RFX6: variants seen among roughly 807,000 people sequenced by gnomAD.
RFX6 encodes the protein regulatory factor X6.
In RFX6, 50 loss-of-function variants were observed where a neutral mutation model predicts 110.8. That is an observed-to-expected ratio of 0.45 (90% CI 0.36 to 0.57). The LOEUF (loss-of-function observed/expected upper bound fraction) is 0.57, where lower values mean the gene tolerates loss of function less well. RFX6 is among the 20% of genes least tolerant of loss of function. RFX6 has a pLI of 0.00. For synonymous variants in RFX6, 383 were observed against 411.2 expected, an observed-to-expected ratio of 0.93 and a Z score of 0.83; for missense variants, 990 against 1,127.0, an observed-to-expected ratio of 0.88 and a Z score of 1.74.
At chr6:116,918,570 AC>A (rs1298017077) in intron 10 of RFX6, among the ~76,000 whole-genome samples, 1 of 148,736 alleles carries the variant, frequency 6.7e-6, no homozygotes, top group Non-Finnish European at 1.5e-5. Flanking sequence ...AAAAAAAAAA[AC>A]CTTTTCAATA....
At chr6:116,914,638 G>A (rs1238845550) in intron 7 of RFX6, among the ~76,000 whole-genome samples, 4 of 152,142 alleles carry the variant, frequency 2.6e-5, no homozygotes, top group Admixed American at 6.5e-5. Context: ...CCTTCAGATG[G>A]ATCAATAATG....
rs1463102286 is a variant in RFX6 at position 116,925,522 on chromosome 6, T to G, written c.1748T>G (p.Met583Arg). Residue 583 changes from methionine to arginine, a missense_variant, in exon 16 of 19, where the codon ATG (methionine) becomes AGG (arginine). Coordinates refer to ENST00000332958, the MANE Select transcript of RFX6 (RefSeq NM_173560.4). ...CTGGCCAACCGTAATAAAGGGAGCA[T>G]GGTTTCCAGCGACGCTGTGAAGAAT... Reference protein sequence around the residue: ...CFLANRNKGSMVSSDAVKNES... With the variant: ...CFLANRNKGSRVSSDAVKNES... 1 of 1,614,142 alleles carries G rather than the reference T, an allele frequency of 6.2e-7. No homozygotes were observed. The highest frequency in any genetic ancestry group is 1.3e-5 in the African/African-American group (1 of 75,062).
At chr6:116,921,957 C>G (rs192119924) in intron 12 of RFX6, 85 bp from the exon 13 acceptor site, 1 of 707,302 alleles carries the variant, frequency 1.4e-6, no homozygotes, top group Non-Finnish European at 2.5e-6. Context: ...ATTGATGATT[C>G]CAAGTTTTAG....
At chr6:116,922,201 T>C in intron 13 of RFX6, 50 bp downstream of exon 13, 1 of 904,646 alleles carries the variant, frequency 1.1e-6, no homozygotes, top group East Asian at 2.4e-5. Flanking sequence ...AAAGAGTAAA[T>C]GCTAAACTGG....
intron 17 of RFX6, 24 bp from the exon 18 acceptor site, chr6:116,928,735 A>T (rs1265781833): frequency 6.3e-7 from 1 of 1,575,674 alleles, no homozygotes; most frequent in South Asian, 1.1e-5. Flanking sequence ...GTTAACAGCA[A>T]ATTCTCAACA....
intron 3 of RFX6, among the ~76,000 whole-genome samples, chr6:116,881,307 C>A (rs1774585521): frequency 6.6e-6 from 1 of 151,920 alleles, no homozygotes; most frequent in Non-Finnish European, 1.5e-5. Flanking sequence ...CTTTAAGATT[C>A]ATGTCATGCT....
intron 6 of RFX6, among the ~76,000 whole-genome samples, chr6:116,896,202 A>G (rs1042225179): frequency 6.6e-6 from 1 of 152,208 alleles, no homozygotes; most frequent in Non-Finnish European, 1.5e-5. Flanking sequence ...GGCTGGTGGT[A>G]CTAGCAAGCC....
At position 116,927,141 on chromosome 6, in the gene RFX6, G is replaced by C. The variant is rs769574463; in HGVS notation, c.2000G>C (p.Ser667Thr). Residue 667 changes from serine (S) to threonine (T), a missense_variant, in exon 17 of 19, where the codon AGT becomes ACT. Coordinates refer to ENST00000332958, the MANE Select transcript of RFX6 (RefSeq NM_173560.4). The stretch of plus-strand genomic sequence containing the variant: ...GGACCAATGGCAGGGAGGCCCCCAA[G>C]TGTGGGCCCAGTACTGTCAGCTCCA... ...NQGPMAGRPP[S>T]VGPVLSAPSH... 6.8e-6 allele frequency: 11 copies of C among 1,614,110 alleles called. No individual in the cohort carries two copies. Among genetic ancestry groups the C allele is most frequent in the Non-Finnish European group, 6.8e-6 (8 of 1,179,966 alleles).
At chr6:116,926,946 A>C (rs750076458) in intron 16 of RFX6, 81 bp from the exon 17 acceptor site, 116 of 1,294,440 alleles carry the variant, frequency 9.0e-5, no homozygotes, top group Non-Finnish European at 1.2e-4. Flanking sequence ...TACATTAATA[A>C]ATCTTTTGAA....
At chr6:116,911,064 C>T in intron 7 of RFX6, 22 bp downstream of exon 7, 1 of 1,470,312 alleles carries the variant, frequency 6.8e-7, no homozygotes, top group Non-Finnish European at 9.5e-7. Context: ...AGATACTTCT[C>T]TATTGATTTT....
At position 116,918,105 on chromosome 6, in the gene RFX6, A is replaced by G. The variant is rs184373346; in HGVS notation, c.1022+19A>G. On this transcript the variant is annotated intron_variant, in intron 10 of 18. Coordinates refer to ENST00000332958, the MANE Select transcript of RFX6 (RefSeq NM_173560.4). ...CTGAAAGGTATGTTCAGTTAATAAA[A>G]CATGAGCATTCCTAGTATAGGATTT... 21 of 1,557,584 alleles carry G rather than the reference A, an allele frequency of 1.3e-5. No homozygotes were observed. The highest frequency in any genetic ancestry group is 1.9e-5 in the Non-Finnish European group (21 of 1,130,912).
intron 6 of RFX6, among the ~76,000 whole-genome samples, chr6:116,908,624 T>C (rs1775261330): frequency 6.6e-6 from 1 of 151,674 alleles, no homozygotes; most frequent in Non-Finnish European, 1.5e-5. Flanking sequence ...GGGCTTCTGA[T>C]AGATATTCTT....
At chr6:116,900,721 G>A (rs1775050336) in intron 6 of RFX6, among the ~76,000 whole-genome samples, 1 of 152,070 alleles carries the variant, frequency 6.6e-6, no homozygotes, top group South Asian at 2.1e-4. Flanking sequence ...TGATTACAGT[G>A]AGAAACTATA....
intron 4 of RFX6, among the ~76,000 whole-genome samples, chr6:116,886,861 G>A (rs927938603): frequency 6.6e-6 from 1 of 152,066 alleles, no homozygotes; most frequent in African/African-American, 2.4e-5. Flanking sequence ...TCAAGAGATT[G>A]AGACCATCCT....
chr6:116,907,521 A>G (rs1357274012), intron 6 of RFX6, among the ~76,000 whole-genome samples: 5 of 152,068 alleles, frequency 3.3e-5, no homozygotes, highest in Non-Finnish European at 7.4e-5. Context: ...AACTACTACA[A>G]ATTTGTAAAT....
chr6:116,914,174 A>G (rs1442439427), intron 7 of RFX6, among the ~76,000 whole-genome samples: 1 of 152,160 alleles, frequency 6.6e-6, no homozygotes, highest in Admixed American at 6.5e-5. Flanking sequence ...GAGTGAGATC[A>G]TGTGATATTT....
At chr6:116,915,829 C>T (rs1775449904) in intron 7 of RFX6, among the ~76,000 whole-genome samples, 179 bp from the exon 8 acceptor site, 1 of 151,804 alleles carries the variant, frequency 6.6e-6, no homozygotes, top group Non-Finnish European at 1.5e-5. Context: ...TGCTTTTCTC[C>T]CTTCACAAGG....
intron 4 of RFX6, among the ~76,000 whole-genome samples, chr6:116,883,229 T>G (rs1411552720): frequency 6.6e-6 from 1 of 152,094 alleles, no homozygotes; most frequent in Non-Finnish European, 1.5e-5. Flanking sequence ...AATGGCTGGT[T>G]TTTACTGTTA....
intron 14 of RFX6, 31 bp downstream of exon 14, chr6:116,923,255 A>G: frequency 1.0e-6 from 1 of 982,700 alleles, no homozygotes; most frequent in East Asian, 2.4e-5. Flanking sequence ...AACTGTTCTT[A>G]CATGAATTAT....
Sources: gnomAD v4.1 joint callset for allele counts (sites outside exome capture counted in the v4.1 genomes callset) on GRCh38, gnomAD v4.1.1 for gene constraint, MANE v1.5 for transcripts, NCBI Gene and HGNC (gene_info 2026-07-23, HGNC 2026-07-21) for gene names.